Variants in GCNA observed in about 807,000 individuals in gnomAD.
The protein encoded by GCNA is germ cell nuclear acidic peptidase.
Under a neutral mutation model 38.8 loss-of-function variants are expected in GCNA, and 3 were observed. That is an observed-to-expected ratio of 0.08 (90% CI 0.04 to 0.20). GCNA has a LOEUF of 0.20. Among genes scored for constraint, GCNA ranks in the 10% least tolerant of loss-of-function variants. GCNA has a pLI of 1.00. For synonymous variants in GCNA, 195 were observed against 240.2 expected (o/e 0.81, Z 1.74); for missense variants, 446 against 578.6 (o/e 0.77, Z 2.35).
intron 2 of GCNA, among the ~76,000 whole-genome samples, chrX:71,587,817 C>T (rs1353949848): frequency 1.8e-5 from 2 of 109,493 alleles, no homozygotes; most frequent in East Asian, 2.8e-4. Flanking sequence ...CTTGCTCTGT[C>T]GCCCAGGCTG....
In GCNA at chrX:71,583,692, CTTTTTTTTTTTT is replaced by C. The variant is rs753557808; in HGVS notation, c.59+2824_59+2835del. On this transcript the variant is annotated intron_variant, in intron 2 of 12. Transcript: ENST00000373696. Reference sequence around the variant, plus strand: ...ATAAAATTGGACATACTATTATATTCTTTTTTTTTTTTTTTTTTTTTTTGAGACAGAGCCTTG... The same window carrying C: ...ATAAAATTGGACATACTATTATATTCTTTTTTTTTTTGAGACAGAGCCTTG... Among the ~76,000 whole-genome samples the C allele has an allele frequency of 8.3e-5, 6 of 72,622 alleles. No individual in the cohort carries two copies. The East Asian group carries it at 1.6e-3, about 20-fold the overall frequency. 63.1% of individuals were successfully genotyped at this position (72,622 alleles called of 115,157 possible).
intron 10 of GCNA, 146 bp downstream of exon 10, chrX:71,609,263 T>C: frequency 1.8e-6 from 1 of 541,356 alleles, no homozygotes. Flanking sequence ...GTGAAAGCAA[T>C]AGAGAATGTG....
At chrX:71,591,768 TTGG>T (rs1344585122) in intron 2 of GCNA, among the ~76,000 whole-genome samples, 2 of 112,062 alleles carry the variant, frequency 1.8e-5, no homozygotes, top group East Asian at 5.6e-4. Context: ...GCCTCCCAAG[TTGG>T]TGGGATTACA....
chrX:71,580,464 A>C (rs1028485540), intron 1 of GCNA: 13 of 107,830 alleles, frequency 1.2e-4, no homozygotes, highest in South Asian at 4.3e-4. Flanking sequence ...TTTTCTTTTT[A>C]TTTTATTTTC....
intron 2 of GCNA, among the ~76,000 whole-genome samples, chrX:71,588,173 T>TA (rs1009879425): frequency 8.9e-6 from 1 of 112,029 alleles, no homozygotes; most frequent in African/African-American, 3.2e-5. Context: ...TCTTTGCCAC[T>TA]AGACTGTGAG....
rs764828586 is a variant in GCNA at position 71,608,336 on chromosome X, G to A, written c.1467-637G>A. 9.8e-5 allele frequency among the ~76,000 whole-genome samples: 11 copies of A among 111,868 alleles called. No individual in the cohort carries two copies. The South Asian group carries it at 3.4e-3, about 34-fold the overall frequency. On this transcript the variant is annotated intron_variant, in intron 9 of 12. Coordinates refer to ENST00000373696, the MANE Select transcript of GCNA (RefSeq NM_052957.5). ...CGCCGAGGCTGGAGTGCAGTGGCGC[G>A]ATCTCGGCTCACTGCAAGCTCCGCC...
In GCNA at chrX:71,605,675, G is replaced by A. The variant is rs10217999; in HGVS notation, c.1412G>A (p.Arg471His). 4.0e-5 allele frequency: 48 copies of A among 1,207,991 alleles called. No individual in the cohort carries two copies. The African/African-American group carries it at 7.7e-4, about 19-fold the overall frequency. The change falls in exon 9 of 13, where the codon CGT becomes CAT. Residue 471 changes from arginine (R) to histidine (H), a missense_variant. Transcript: ENST00000373696. ...NVSVTPGHKK[R>H]GPSKKKPGAA... ...TCATCTGGTAAAGGACATAAGAAGC[G>A]TGGGCCTTCAAAGAAGAAACCCGGT...
At chrX:71,612,606 C>T in intron 12 of GCNA, 47 bp downstream of exon 12, 1 of 1,096,296 alleles carries the variant, frequency 9.1e-7, no homozygotes, top group Middle Eastern at 3.3e-4. Context: ...GCTGGGGCCT[C>T]CAAGTGGCTC....
chrX:71,588,553 G>A (rs978690946), intron 2 of GCNA, among the ~76,000 whole-genome samples: 28 of 112,132 alleles, frequency 2.5e-4, no homozygotes, highest in African/African-American at 8.4e-4. Context: ...CTGGCCAGGC[G>A]TGGTGGCTCA....
At position 71,595,983 on chromosome X, in the gene GCNA, A is replaced by C. The variant is rs750443000; in HGVS notation, c.221+1204A>C. Among the ~76,000 whole-genome samples the C allele has an allele frequency of 2.7e-5, 3 of 112,446 alleles. No homozygotes were observed. In the East Asian group the frequency reaches 8.3e-4, roughly 31 times the overall value. On this transcript the variant is annotated intron_variant, in intron 6 of 12. Transcript: ENST00000373696. ...GTAATCCCAGCACTTTGAGAGACCA[A>C]GGTGGGCGGATCACTTGAGGTCAGG...
chrX:71,603,511 A>G, intron 7 of GCNA, 77 bp from the exon 8 acceptor site: 2 of 1,131,257 alleles, frequency 1.8e-6, no homozygotes, highest in Non-Finnish European at 2.4e-6. Flanking sequence ...TGTGCTAAAT[A>G]ATCTGCTGAA....
intron 11 of GCNA, 126 bp from the exon 12 acceptor site, chrX:71,612,229 G>A: frequency 1.9e-6 from 1 of 522,145 alleles, no homozygotes. Context: ...AGTGAGCTGA[G>A]ATCATGCCAT....
chrX:71,598,617 A>G (rs1321222297), intron 7 of GCNA, among the ~76,000 whole-genome samples: 1 of 109,502 alleles, frequency 9.1e-6, no homozygotes, highest in African/African-American at 3.3e-5. Flanking sequence ...ACCTCTTTGG[A>G]TCAGAAGCCC....
chrX:71,604,218 T>C lies in GCNA; in HGVS notation c.941T>C (p.Val314Ala), dbSNP rs1316342096. 2 of 1,211,998 alleles carry C rather than the reference T, an allele frequency of 1.7e-6. No homozygotes were observed. The highest frequency in any genetic ancestry group is 2.2e-6 in the Non-Finnish European group (2 of 895,512). The change falls in exon 8 of 13, where the codon GTT (valine) becomes GCT (alanine). Residue 314 changes from valine to alanine, a missense_variant. Physicochemically the swap from Val to Ala is moderately conservative, Grantham distance 64 (BLOSUM62 0). This residue lies in a region of GCNA where 160 missense variants were observed against 165.2 expected (regional missense o/e 0.97). Coordinates refer to ENST00000373696, the MANE Select transcript of GCNA (RefSeq NM_052957.5). ...APDDKSDDSD[V>A]PEDKSDDSDV... is the part of the protein sequence containing the mutation. Reference sequence around the variant, plus strand: ...GACGACAAGAGTGATGATTCGGATGTTCCCGAAGACAAGAGTGATGATTCG... The same window carrying C: ...GACGACAAGAGTGATGATTCGGATGCTCCCGAAGACAAGAGTGATGATTCG...
intron 9 of GCNA, among the ~76,000 whole-genome samples, chrX:71,608,264 A>C (rs1324355855): frequency 9.0e-6 from 1 of 111,514 alleles, no homozygotes; most frequent in Non-Finnish European, 1.9e-5. Context: ...AAAGAGAGAA[A>C]AGGAATTTTA....
intron 2 of GCNA, among the ~76,000 whole-genome samples, chrX:71,585,036 C>G (rs6625803): frequency 0.24 from 26,011 of 108,000 alleles, 3,145 homozygotes; most frequent in East Asian, 0.49. Flanking sequence ...GGTGGCCGAG[C>G]CCAGTGGCTC....
chrX:71,611,488 G>A (rs748940114), intron 11 of GCNA, among the ~76,000 whole-genome samples: 10 of 111,913 alleles, frequency 8.9e-5, no homozygotes, highest in Admixed American at 5.7e-4. Flanking sequence ...CACTATGATC[G>A]CACCTGTGAA....
At chrX:71,586,140 T>TG (rs1491185566) in intron 2 of GCNA, among the ~76,000 whole-genome samples, 2 of 90,590 alleles carry the variant, frequency 2.2e-5, no homozygotes, top group African/African-American at 4.3e-5. Context: ...GAAATAAATG[T>TG]TTTTTTTTTT....
intron 1 of GCNA, among the ~76,000 whole-genome samples, chrX:71,579,233 CG>C (rs2040526572): frequency 1.6e-5 from 1 of 64,407 alleles, no homozygotes; most frequent in African/African-American, 6.1e-5. Flanking sequence ...TCCCTAGTGG[CG>C]GGTGGGGAGA....
Sources: gnomAD v4.1 joint callset for allele counts (sites outside exome capture counted in the v4.1 genomes callset) on GRCh38, gnomAD v4.1.1 for gene constraint, gnomAD v4.1.1 regional missense constraint, MANE v1.5 for transcripts, NCBI Gene and HGNC (gene_info 2026-07-23, HGNC 2026-07-21) for gene names.